The following ARHGAP27 variants were observed in gnomAD, a reference collection of about 807,000 sequenced individuals.
ARHGAP27 encodes the protein Rho GTPase activating protein 27.
A neutral mutation model predicts 102.0 loss-of-function variants in ARHGAP27; 53 were observed. That is an observed-to-expected ratio of 0.52 (90% CI 0.42 to 0.65). The LOEUF is 0.65. Among genes scored for constraint, ARHGAP27 ranks in the 30% least tolerant of loss-of-function variants. The pLI is 0.00. For synonymous variants in ARHGAP27, 525 were observed against 542.8 expected, an observed-to-expected ratio of 0.97 and a Z score of 0.46; for missense variants, 1,117 against 1,256.2, an observed-to-expected ratio of 0.89 and a Z score of 1.68.
chr17:45,424,211 G>A (rs1210143378), intron 4 of ARHGAP27, among the ~76,000 whole-genome samples: 2 of 152,212 alleles, frequency 1.3e-5, no homozygotes, highest in Admixed American at 6.5e-5. Flanking sequence ...GGCCTCACCC[G>A]GCTCAGGCAA....
chr17:45,398,381 C>T (rs938043433), intron 12 of ARHGAP27, among the ~76,000 whole-genome samples: 3 of 152,178 alleles, frequency 2.0e-5, no homozygotes, highest in Non-Finnish European at 4.4e-5. Flanking sequence ...TGCCTCCCTG[C>T]AAGCCACAGA....
chr17:45,418,315 C>G (rs2048688240), intron 4 of ARHGAP27, among the ~76,000 whole-genome samples: 1 of 148,972 alleles, frequency 6.7e-6, no homozygotes, highest in Non-Finnish European at 1.5e-5. Context: ...TTTTACTATT[C>G]TCCATCCTCA....
rs2049701443 is a variant in ARHGAP27 at position 45,427,177 on chromosome 17, A to G, written c.657+2446T>C. Among the ~76,000 whole-genome samples the G allele has an allele frequency of 6.6e-6, 1 of 151,162 alleles. No individual in the cohort carries two copies. Among genetic ancestry groups the G allele is most frequent in the African/African-American group, 2.4e-5 (1 of 40,970 alleles). On this transcript the variant is annotated intron_variant, in intron 4 of 19. Transcript: ENST00000685559. This position sits in a 1 kb window ranked among gnomAD's most constrained non-coding sequence, Gnocchi z 4.5. ...TGTTTCCACACATGCCCACGAGACC[A>G]CCAAGAGCTTCAGCCATTCTTGAAG...
chr17:45,429,680 G>A lies in ARHGAP27; in HGVS notation c.600C>T (p.Asn200=), dbSNP rs1351194666. The A allele has an allele frequency of 1.3e-6, 2 of 1,575,156 alleles. No individual in the cohort carries two copies. The highest frequency in any genetic ancestry group is 1.4e-5 in the African/African-American group (1 of 73,974). Residue 200 remains asparagine (N), a synonymous_variant, in exon 4 of 20, where the codon AAC becomes AAT. Transcript: ENST00000685559. ...GCAAGTCCTGGATGACCTCGTAGACGTTCTCTGAGTCGCTGCGCGCCAGAG... is the reference window on the plus strand; with the variant it reads ...GCAAGTCCTGGATGACCTCGTAGACATTCTCTGAGTCGCTGCGCGCCAGAG... ...PRPLARSDSE[N]VYEVIQDLHV...
At chr17:45,399,599 AG>A (rs1396710081) in intron 12 of ARHGAP27, among the ~76,000 whole-genome samples, 11 of 151,126 alleles carry the variant, frequency 7.3e-5, no homozygotes, top group African/African-American at 2.7e-4. Flanking sequence ...CTCAAAGAAA[AG>A]AAAAGAAAAG....
In ARHGAP27 at chr17:45,404,523, AG is replaced by A. The variant is rs1412737191; in HGVS notation, c.1334del (p.Pro445LeufsTer48). On this transcript the variant is annotated frameshift_variant, in exon 8 of 20. Transcript: ENST00000685559. LOFTEE classifies it high-confidence loss of function. Reference protein sequence around the residue: ...SSVRWELPQVPVPAPRSIHKS... With the variant: ...SSVRWELPQVXVPAPRSIHKS... Reference sequence around the variant, plus strand: ...TATGGATGCTTCGAGGGGCAGGGACAGGGACCTGGGGAGAAAGACACAGTCG... The same window carrying A: ...TATGGATGCTTCGAGGGGCAGGGACAGGACCTGGGGAGAAAGACACAGTCG... 15 of 1,613,288 alleles carry A rather than the reference AG, an allele frequency of 9.3e-6. No homozygotes were observed. The highest frequency in any genetic ancestry group is 1.3e-5 in the Non-Finnish European group (15 of 1,179,752).
intron 4 of ARHGAP27, among the ~76,000 whole-genome samples, chr17:45,417,479 C>A (rs1476474935): frequency 6.7e-6 from 1 of 148,776 alleles, no homozygotes; most frequent in Non-Finnish European, 1.5e-5. Flanking sequence ...AAAAAAAATT[C>A]TTTTTGTCTG....
At position 45,395,392 on chromosome 17, in the gene ARHGAP27, G is replaced by T. The variant is rs1567683739; in HGVS notation, c.*64C>A. 4.7e-6 allele frequency: 7 copies of T among 1,498,070 alleles called. No homozygotes were observed. In the East Asian group the frequency reaches 1.5e-4, roughly 32 times the overall value. The allele number at this position is 1,498,070 out of a possible 1,614,324, so 92.8% of individuals were successfully genotyped here. On this transcript the variant is annotated 3_prime_UTR_variant, in exon 20 of 20. Transcript: ENST00000685559. ...CCCAGAGAGAAGAAGGCCCGGCTGC[G>T]TGGCCTCCGCCGCCCAGCTTGTGTG...
Position 45,404,105 on chromosome 17 carries a change from GAGAAGAGAGAGC to G in ARHGAP27, c.1480-21_1480-10del. 1 of 1,614,162 alleles carries G rather than the reference GAGAAGAGAGAGC, an allele frequency of 6.2e-7. No homozygotes were observed. On this transcript the variant is annotated splice_polypyrimidine_tract_variant and intron_variant, in intron 9 of 19. Transcript: ENST00000685559. ...TTGTCCAAGGTCTTGGTCTAAGAGA[GAGAAGAGAGAGC>G]AGGCGCAAGAGTGTGTAGTTAAGGG...
chr17:45,411,990 T>C (rs2047962049), intron 4 of ARHGAP27, among the ~76,000 whole-genome samples: 1 of 152,074 alleles, frequency 6.6e-6, no homozygotes, highest in Non-Finnish European at 1.5e-5. Flanking sequence ...GCCCTCAGCA[T>C]TGCCCTGCAG....
In ARHGAP27 at chr17:45,430,847, G is replaced by A. The variant is rs1265488114; in HGVS notation, c.-18-550C>T. Among the ~76,000 whole-genome samples the A allele has an allele frequency of 6.6e-6, 1 of 152,132 alleles. No homozygotes were observed. The highest frequency in any genetic ancestry group is 1.9e-4 in the East Asian group (1 of 5,192). On this transcript the variant is annotated intron_variant, in intron 3 of 19. Transcript: ENST00000685559. The surrounding 1 kb of genome is among the most constrained non-coding windows in gnomAD (Gnocchi z 4.4). ...TGGTCAGAGTTGGAATGTGGGCTCTGTAGGGGGCCGAGCGAACAGCTCTAC... is the reference window on the plus strand; with the variant it reads ...TGGTCAGAGTTGGAATGTGGGCTCTATAGGGGGCCGAGCGAACAGCTCTAC...
At chr17:45,403,508 A>G in intron 11 of ARHGAP27, 111 bp downstream of exon 11, 1 of 896,722 alleles carries the variant, frequency 1.1e-6, no homozygotes, top group African/African-American at 1.7e-5. Flanking sequence ...CCGAGATTAC[A>G]CCACTACACT....
At chr17:45,420,656 A>T (rs2144912140) in intron 4 of ARHGAP27, among the ~76,000 whole-genome samples, 1 of 152,278 alleles carries the variant, frequency 6.6e-6, no homozygotes, top group African/African-American at 2.4e-5. Flanking sequence ...GCAGAGTTTT[A>T]AAAAAGGACT....
rs1325533955 is a variant in ARHGAP27 at position 45,430,120 on chromosome 17, C to T, written c.160G>A (p.Gly54Ser). Reference protein sequence around the residue: ...HWWHVRREPGGRPFYLPAQYV... With the variant: ...HWWHVRREPGSRPFYLPAQYV... Reference sequence around the variant, plus strand: ...TGCGCAGGCAGGTAGAAGGGGCGGCCGCCGGGCTCACGCCGCACGTGCCAC... The same window carrying T: ...TGCGCAGGCAGGTAGAAGGGGCGGCTGCCGGGCTCACGCCGCACGTGCCAC... Residue 54 changes from glycine (G) to serine (S), a missense_variant, in exon 4 of 20, where the codon GGC becomes AGC. Gly to Ser is a moderately conservative substitution (Grantham distance 56, BLOSUM62 0). Coordinates refer to ENST00000685559, the MANE Select transcript of ARHGAP27 (RefSeq NM_001282290.2). This position sits in a 1 kb window ranked among gnomAD's most constrained non-coding sequence, Gnocchi z 4.4. 2 of 1,521,688 alleles carry T rather than the reference C, an allele frequency of 1.3e-6. No individual in the cohort carries two copies. Among genetic ancestry groups the T allele is most frequent in the Non-Finnish European group, 1.8e-6 (2 of 1,141,480 alleles). The allele number at this position is 1,521,688 out of a possible 1,614,324, so 94.3% of individuals were successfully genotyped here.
At chr17:45,410,464 G>A in intron 4 of ARHGAP27, 3 of 1,347,280 alleles carry the variant, frequency 2.2e-6, no homozygotes, top group African/African-American at 1.5e-5. Flanking sequence ...GCCTGAGTTG[G>A]GGCGGGTGGG....
chr17:45,408,802 T>C (rs1245633073), intron 4 of ARHGAP27: 2 of 152,282 alleles, frequency 1.3e-5, no homozygotes, highest in East Asian at 3.8e-4. Context: ...CTCTGCTCAC[T>C]GCTCTGTTGA....
intron 4 of ARHGAP27, among the ~76,000 whole-genome samples, chr17:45,406,597 C>T (rs965009924): frequency 6.6e-6 from 1 of 152,226 alleles, no homozygotes; most frequent in Non-Finnish European, 1.5e-5. Flanking sequence ...AGAGGTTGGG[C>T]AGGAACTGAG....
At chr17:45,395,665 G>C in intron 19 of ARHGAP27, 32 bp from the exon 20 acceptor site, 2 of 1,535,948 alleles carry the variant, frequency 1.3e-6, no homozygotes, top group Non-Finnish European at 1.8e-6. Flanking sequence ...TCAGGGCTCC[G>C]AACTGCGAAC....
chr17:45,432,045 G>A (rs1229754962), intron 2 of ARHGAP27, among the ~76,000 whole-genome samples, 171 bp downstream of exon 2: 1 of 133,912 alleles, frequency 7.5e-6, no homozygotes, highest in Admixed American at 9.2e-5. Flanking sequence ...TTGCTGTCCG[G>A]GAGTGCCTGC....
Sources: allele counts gnomAD v4.1 joint callset (sites outside exome capture counted in the v4.1 genomes callset), GRCh38; gene constraint gnomAD v4.1.1; non-coding constraint Gnocchi (gnomAD v3.1); transcripts MANE v1.5; gene names NCBI Gene and HGNC (gene_info 2026-07-23, HGNC 2026-07-21).